Variants in NCKAP5 observed in about 807,000 individuals in gnomAD.
NCKAP5 encodes NCK associated protein 5.
Under a neutral mutation model 167.0 loss-of-function variants are expected in NCKAP5, and 92 were observed. The observed-to-expected ratio is 0.55, with a 90% confidence interval of 0.47 to 0.66. The LOEUF (loss-of-function observed/expected upper bound fraction) is 0.66. NCKAP5 is among the 30% of genes least tolerant of loss of function. The pLI is 0.00. For missense variants in NCKAP5, 2,378 were observed against 2,315.0 expected (o/e 1.03, Z -0.56); for synonymous variants, 891 against 877.4 (o/e 1.02, Z -0.27).
At chr2:133,608,237 C>A in the NCKAP5 span, among the ~76,000 whole-genome samples, 1 of 152,126 alleles carries the variant, frequency 6.6e-6, no homozygotes, top group African/African-American at 2.4e-5. Flanking sequence ...CATGTCTTTT[C>A]TGATGATCAA....
intron 5 of NCKAP5, among the ~76,000 whole-genome samples, chr2:133,198,546 G>A (rs543440885): frequency 6.6e-6 from 1 of 152,152 alleles, no homozygotes; most frequent in Admixed American, 6.5e-5. Flanking sequence ...CTTGTAACAA[G>A]TTTTGTTTCA....
At chr2:132,785,980 G>C (rs1683532139) in intron 13 of NCKAP5, among the ~76,000 whole-genome samples, 1 of 152,238 alleles carries the variant, frequency 6.6e-6, no homozygotes, top group South Asian at 2.1e-4. Flanking sequence ...CCAGTGGGGA[G>C]AGGAGAATTG....
chr2:133,081,322 A>G (rs2080798837), intron 6 of NCKAP5, among the ~76,000 whole-genome samples: 1 of 152,172 alleles, frequency 6.6e-6, no homozygotes, highest in Non-Finnish European at 1.5e-5. Flanking sequence ...AACTAAAGTG[A>G]AAGATTAGGA....
intron 19 of NCKAP5, among the ~76,000 whole-genome samples, chr2:132,722,994 TA>T (rs940796625): frequency 8.0e-5 from 12 of 149,968 alleles, no homozygotes; most frequent in East Asian, 3.9e-4. Flanking sequence ...CTGTCTTATT[TA>T]AAAAAAAAAT....
At chr2:133,069,194 A>G (rs1226717365) in intron 6 of NCKAP5, among the ~76,000 whole-genome samples, 4 of 152,232 alleles carry the variant, frequency 2.6e-5, no homozygotes, top group African/African-American at 7.2e-5. Context: ...AAAATAACGT[A>G]CAAATGTAAA....
chr2:133,136,649 T>C (rs754990722), intron 5 of NCKAP5, among the ~76,000 whole-genome samples: 13 of 152,176 alleles, frequency 8.5e-5, no homozygotes, highest in Admixed American at 2.6e-4. Context: ...CAAAGAATCA[T>C]GGGGAAAACA....
chr2:133,257,727 A>C (rs1002071522), intron 4 of NCKAP5, among the ~76,000 whole-genome samples: 35 of 152,200 alleles, frequency 2.3e-4, no homozygotes, highest in African/African-American at 8.0e-4. Flanking sequence ...ACAAACCTAG[A>C]GGCCGGTTCT....
chr2:133,532,716 C>T (rs183123423), intron 2 of NCKAP5, among the ~76,000 whole-genome samples: 3 of 152,234 alleles, frequency 2.0e-5, no homozygotes, highest in African/African-American at 7.2e-5. Context: ...TTATTGCCTG[C>T]CTGCCACCCA....
chr2:133,439,645 A>G (rs531351013), intron 3 of NCKAP5, among the ~76,000 whole-genome samples: 1 of 152,322 alleles, frequency 6.6e-6, no homozygotes, highest in African/African-American at 2.4e-5. Flanking sequence ...ATTAAGACAT[A>G]CCATTCTGAC....
chr2:133,562,815 G>C (rs1014415740), intron 1 of NCKAP5, among the ~76,000 whole-genome samples: 1 of 152,198 alleles, frequency 6.6e-6, no homozygotes, highest in Admixed American at 6.5e-5. Flanking sequence ...CTGTGTAATT[G>C]AGGCTTCCAA....
At chr2:133,040,246 G>C (rs563943063) in intron 6 of NCKAP5, among the ~76,000 whole-genome samples, 1 of 152,156 alleles carries the variant, frequency 6.6e-6, no homozygotes, top group East Asian at 1.9e-4. Context: ...CCTCCAACTA[G>C]ACTGTCTAGT....
chr2:133,040,345 G>C (rs893717244), intron 6 of NCKAP5, among the ~76,000 whole-genome samples: 4 of 152,064 alleles, frequency 2.6e-5, no homozygotes, highest in Admixed American at 1.3e-4. Flanking sequence ...CTTTTGCAGT[G>C]ACCTAATACT....
intron 16 of NCKAP5, among the ~76,000 whole-genome samples, chr2:132,762,921 T>C (rs1478251580): frequency 6.6e-6 from 1 of 152,204 alleles, no homozygotes; most frequent in Non-Finnish European, 1.5e-5. Context: ...TTCAGACATA[T>C]TCTGGTAGGC....
At chr2:133,624,631 TG>T in the NCKAP5 span, among the ~76,000 whole-genome samples, 2 of 152,206 alleles carry the variant, frequency 1.3e-5, no homozygotes, top group African/African-American at 4.8e-5. Flanking sequence ...ATAACGTAAT[TG>T]CTACACAATG....
At chr2:132,800,251 T>C (rs1186875497) in intron 11 of NCKAP5, among the ~76,000 whole-genome samples, 1 of 152,170 alleles carries the variant, frequency 6.6e-6, no homozygotes, top group Non-Finnish European at 1.5e-5. Context: ...CATATACCCA[T>C]GTATAGTTCA....
intron 19 of NCKAP5, among the ~76,000 whole-genome samples, chr2:132,688,399 CA>C (rs1686241297): frequency 1.3e-5 from 2 of 152,140 alleles, no homozygotes; most frequent in South Asian, 2.1e-4. Flanking sequence ...CCACTGAAGA[CA>C]AAAACACACA....
chr2:133,455,978 A>G (rs1381222557), intron 3 of NCKAP5, among the ~76,000 whole-genome samples: 10 of 152,172 alleles, frequency 6.6e-5, no homozygotes, highest in Admixed American at 6.6e-4. Context: ...ACTAAATCAG[A>G]CAGTACCAAA....
the NCKAP5 span, among the ~76,000 whole-genome samples, chr2:133,650,038 G>A: frequency 9.2e-5 from 14 of 152,082 alleles, no homozygotes; most frequent in South Asian, 2.1e-4. Context: ...ATATAAAATC[G>A]ATGTAAAAAT....
intron 10 of NCKAP5, among the ~76,000 whole-genome samples, chr2:132,865,471 G>A (rs1690267385): frequency 6.6e-6 from 1 of 152,140 alleles, no homozygotes; most frequent in African/African-American, 2.4e-5. Context: ...TTTTGAGAAA[G>A]CTTGACCCCA....
Sources: gnomAD v4.1 joint callset for allele counts (sites outside exome capture counted in the v4.1 genomes callset) on GRCh38, gnomAD v4.1.1 for gene constraint, MANE v1.5 for transcripts, NCBI Gene and HGNC (gene_info 2026-07-23, HGNC 2026-07-21) for gene names.